The following FMN2 variants were observed in gnomAD, a reference collection of about 807,000 sequenced individuals.
FMN2 encodes formin 2.
FMN2 carries 51 observed loss-of-function variants against 142.3 expected under a neutral mutation model. The ratio of observed to expected loss-of-function variants is 0.36; its 90% CI spans 0.29 to 0.45. The LOEUF (loss-of-function observed/expected upper bound fraction) is 0.45, where lower values mean the gene tolerates loss of function less well. FMN2 is among the 20% of genes least tolerant of loss of function. The pLI, the probability that FMN2 is intolerant of heterozygous loss-of-function variation, is 1.00. For synonymous variants in FMN2, 882 were observed against 869.8 expected, an observed-to-expected ratio of 1.01 and a Z score of -0.25; for missense variants, 1,936 against 2,122.8, an observed-to-expected ratio of 0.91 and a Z score of 1.73.
intron 13 of FMN2, among the ~76,000 whole-genome samples, chr1:240,354,884 G>A (rs973340666): frequency 3.3e-5 from 5 of 151,762 alleles, no homozygotes; most frequent in African/African-American, 4.8e-5. Flanking sequence ...TGCATCAGAT[G>A]TGTTCTATCC....
intron 15 of FMN2, among the ~76,000 whole-genome samples, chr1:240,397,865 C>T (rs545122777): frequency 1.3e-4 from 20 of 151,358 alleles, no homozygotes; most frequent in Non-Finnish European, 2.2e-4. Flanking sequence ...GTGTTTGACC[C>T]CAAAATGGGC....
chr1:240,209,703 G>A (rs1218387333), intron 5 of FMN2, among the ~76,000 whole-genome samples: 1 of 149,560 alleles, frequency 6.7e-6, no homozygotes, highest in Non-Finnish European at 1.5e-5. Context: ...AGGAGATTGA[G>A]ACCATCCTGG....
intron 7 of FMN2, among the ~76,000 whole-genome samples, chr1:240,290,055 C>G (rs566570518): frequency 6.6e-5 from 10 of 152,274 alleles, no homozygotes; most frequent in African/African-American, 2.4e-4. Flanking sequence ...GGATAGACAC[C>G]TGCCTGCGCA....
intron 6 of FMN2, among the ~76,000 whole-genome samples, chr1:240,228,817 T>C (rs1206083521): frequency 6.6e-6 from 1 of 152,098 alleles, no homozygotes; most frequent in African/African-American, 2.4e-5. Flanking sequence ...AAATAAATGG[T>C]CAAAAGTTTA....
At chr1:240,431,369 C>T (rs865944720) in intron 15 of FMN2, among the ~76,000 whole-genome samples, 4 of 147,604 alleles carry the variant, frequency 2.7e-5, no homozygotes, top group Non-Finnish European at 4.5e-5. Flanking sequence ...TGTTTGTAAA[C>T]TCCATAGTGT....
Position 240,123,911 on chromosome 1 carries a change from A to G in FMN2, c.1782+566A>G, listed in dbSNP as rs557847457. Among the ~76,000 whole-genome samples the G allele has an allele frequency of 3.3e-5, 5 of 152,330 alleles. No homozygotes were observed. The East Asian group carries it at 9.6e-4, about 29-fold the overall frequency. On this transcript the variant is annotated intron_variant, in intron 2 of 17. Transcript: ENST00000319653. ...TATGCTAGGTAGCTCATATAAGTGG[A>G]ATTATACAGTATTTGTCCTGTTTGT...
chr1:240,150,765 A>T (rs10926142), intron 2 of FMN2, among the ~76,000 whole-genome samples: 13,425 of 152,192 alleles, frequency 0.088, 745 homozygotes, highest in African/African-American at 0.16. Flanking sequence ...TTTTTTATAA[A>T]GAGACTGGCC....
intron 2 of FMN2, among the ~76,000 whole-genome samples, chr1:240,135,200 A>G (rs552784934): frequency 1.3e-5 from 2 of 152,304 alleles, no homozygotes; most frequent in African/African-American, 4.8e-5. Context: ...ACAGGGAGGA[A>G]CCAGAGAGGG....
At chr1:240,215,667 T>C in intron 6 of FMN2, among the ~76,000 whole-genome samples, 1 of 152,234 alleles carries the variant, frequency 6.6e-6, no homozygotes, top group East Asian at 1.9e-4. Flanking sequence ...AATAAAATTG[T>C]ATGTGAGACA....
At chr1:240,264,166 C>G (rs1668719465) in intron 7 of FMN2, among the ~76,000 whole-genome samples, 1 of 151,980 alleles carries the variant, frequency 6.6e-6, no homozygotes. Context: ...ATTAGAAATG[C>G]CAGTGAGATC....
chr1:240,182,993 T>G (rs1665216035), intron 3 of FMN2, among the ~76,000 whole-genome samples: 1 of 151,832 alleles, frequency 6.6e-6, no homozygotes, highest in Non-Finnish European at 1.5e-5. Context: ...CCCGGCTCAC[T>G]GTAGCCTTCG....
At chr1:240,180,249 C>CTGGGGTTTATAG (rs1665093618) in intron 3 of FMN2, 2 of 1,046,354 alleles carry the variant, frequency 1.9e-6, no homozygotes, top group Admixed American at 5.6e-5. Context: ...AGTCATATAG[C>CTGGGGTTTATAG]ATTTTTTCAT....
At chr1:240,170,341 G>C (rs1331175704) in intron 2 of FMN2, 23 of 1,118,204 alleles carry the variant, frequency 2.1e-5, no homozygotes, top group Middle Eastern at 2.2e-4. Flanking sequence ...AGCTGATCCT[G>C]AGGGTTGTTT....
chr1:240,385,874 G>A (rs543278373), intron 14 of FMN2, among the ~76,000 whole-genome samples: 3 of 150,036 alleles, frequency 2.0e-5, no homozygotes, highest in African/African-American at 7.4e-5. Context: ...ATTTCTAGAG[G>A]CACAATGATA....
At chr1:240,122,075 A>AATTTATTTATTT (rs71168900) in intron 1 of FMN2, among the ~76,000 whole-genome samples, 11 of 146,572 alleles carry the variant, frequency 7.5e-5, no homozygotes, top group African/African-American at 2.2e-4. Flanking sequence ...TTAATTAATT[A>AATTTATTTATTT]ATTTATTTAT....
intron 14 of FMN2, among the ~76,000 whole-genome samples, chr1:240,370,032 A>G (rs2103067988): frequency 6.6e-6 from 1 of 152,120 alleles, no homozygotes; most frequent in East Asian, 1.9e-4. Context: ...TCTTCTTTTA[A>G]GATGTCTCTG....
chr1:240,251,202 G>A (rs1268712974), intron 6 of FMN2, among the ~76,000 whole-genome samples: 1 of 151,788 alleles, frequency 6.6e-6, no homozygotes, highest in East Asian at 1.9e-4. Flanking sequence ...TTTGATGTAG[G>A]CGTTTATTAT....
rs150505248 is a variant in FMN2, at chr1:240,092,684, A to G, written c.575A>G (p.Gln192Arg). 1 of 1,614,044 alleles carries G rather than the reference A, an allele frequency of 6.2e-7. No individual in the cohort carries two copies. Among genetic ancestry groups the G allele is most frequent in the Non-Finnish European group, 8.5e-7 (1 of 1,179,982 alleles). ...TATAGCTTCCATTCGGCTACGGAGCAAGAGGATTTGCTTTCAGACATCCAG... is the reference window on the plus strand; with the variant it reads ...TATAGCTTCCATTCGGCTACGGAGCGAGAGGATTTGCTTTCAGACATCCAG... Reference protein sequence around the residue: ...DIYSFHSATEQEDLLSDIQQA... With the variant: ...DIYSFHSATEREDLLSDIQQA... The change falls in exon 1 of 18, where the codon CAA becomes CGA. Residue 192 changes from glutamine (Q) to arginine (R), a missense_variant. By Grantham distance (43) the Gln-to-Arg change is conservative. Transcript: ENST00000319653.
chr1:240,168,390 C>A (rs1664566046), intron 2 of FMN2, among the ~76,000 whole-genome samples: 1 of 152,022 alleles, frequency 6.6e-6, no homozygotes, highest in Admixed American at 6.6e-5. Flanking sequence ...AGTTTGAGAC[C>A]AGCCTGGGCA....
Sources: allele counts gnomAD v4.1 joint callset (sites outside exome capture counted in the v4.1 genomes callset), GRCh38; gene constraint gnomAD v4.1.1; transcripts MANE v1.5; gene names NCBI Gene and HGNC (gene_info 2026-07-23, HGNC 2026-07-21).